BACE2: variants seen among roughly 807,000 people sequenced by gnomAD.
BACE2 encodes beta-secretase 2, also known as 56 kDa aspartic-like protease.
Under a neutral mutation model 46.2 loss-of-function variants are expected in BACE2, and 17 were observed. That is an observed-to-expected ratio of 0.37 (90% CI 0.25 to 0.55). The LOEUF (loss-of-function observed/expected upper bound fraction) is 0.55, where lower values mean the gene tolerates loss of function less well. Ranked by LOEUF, BACE2 falls within the 20% of genes least tolerant of loss-of-function variation. BACE2 has a pLI of 0.82. For synonymous variants in BACE2, 277 were observed against 295.9 expected, an observed-to-expected ratio of 0.94 and a Z score of 0.66; for missense variants, 595 against 698.1, an observed-to-expected ratio of 0.85 and a Z score of 1.66.
chr21:41,230,534 C>G (rs879278361), intron 2 of BACE2, among the ~76,000 whole-genome samples: 1 of 152,198 alleles, frequency 6.6e-6, no homozygotes, highest in South Asian at 2.1e-4. Context: ...AGCTGCAGCT[C>G]TCTGCCCTGT....
At chr21:41,172,936 C>T (rs1568853362) in intron 1 of BACE2, among the ~76,000 whole-genome samples, 5 of 152,200 alleles carry the variant, frequency 3.3e-5, no homozygotes, top group Admixed American at 3.3e-4. Flanking sequence ...TGTCTGATGG[C>T]TGCTGGCATT....
intron 8 of BACE2, among the ~76,000 whole-genome samples, chr21:41,261,836 C>A (rs1199443993): frequency 2.0e-5 from 3 of 151,950 alleles, no homozygotes; most frequent in Non-Finnish European, 2.9e-5. Flanking sequence ...ACAGAAAAGA[C>A]TAAAAATAAT....
intron 7 of BACE2, among the ~76,000 whole-genome samples, chr21:41,256,237 C>T (rs1987784489): frequency 6.6e-6 from 1 of 152,144 alleles, no homozygotes; most frequent in Non-Finnish European, 1.5e-5. Context: ...TTATCCCTCC[C>T]CTAGCCCTCT....
chr21:41,216,673 T>G (rs2123556568), intron 1 of BACE2, among the ~76,000 whole-genome samples: 1 of 152,264 alleles, frequency 6.6e-6, no homozygotes, highest in East Asian at 1.9e-4. Flanking sequence ...GGGTGAAGCG[T>G]CTCTGGAGAG....
At chr21:41,234,221 C>T (rs1281319232) in intron 2 of BACE2, among the ~76,000 whole-genome samples, 3 of 152,156 alleles carry the variant, frequency 2.0e-5, no homozygotes, top group Non-Finnish European at 4.4e-5. Flanking sequence ...CCATGTAAGA[C>T]ATGCCTTTCA....
intron 1 of BACE2, among the ~76,000 whole-genome samples, chr21:41,173,024 G>A (rs917789387): frequency 6.6e-6 from 1 of 152,114 alleles, no homozygotes; most frequent in African/African-American, 2.4e-5. Flanking sequence ...CTTCTTATAA[G>A]GAGACCAGTC....
At chr21:41,169,755 G>A (rs1046464364) in intron 1 of BACE2, among the ~76,000 whole-genome samples, 2 of 150,812 alleles carry the variant, frequency 1.3e-5, no homozygotes, top group African/African-American at 2.4e-5. Flanking sequence ...AGTTTAGGGG[G>A]AAAAAAAAAC....
intron 1 of BACE2, among the ~76,000 whole-genome samples, chr21:41,215,675 ACAGGG>A (rs1986442991): frequency 6.6e-6 from 1 of 152,186 alleles, no homozygotes; most frequent in South Asian, 2.1e-4. Context: ...GAAGCAGGGA[ACAGGG>A]GCGGGGACGT....
intron 3 of BACE2, among the ~76,000 whole-genome samples, chr21:41,240,032 A>G (rs1987243945): frequency 6.6e-6 from 1 of 152,250 alleles, no homozygotes; most frequent in Non-Finnish European, 1.5e-5. Context: ...GCGACATTTT[A>G]TCTTTTCATT....
At chr21:41,233,976 T>C (rs930077330) in intron 2 of BACE2, among the ~76,000 whole-genome samples, 1 of 152,060 alleles carries the variant, frequency 6.6e-6, no homozygotes, top group African/African-American at 2.4e-5. Flanking sequence ...CAACAAACGA[T>C]TACTCTACCA....
chr21:41,171,189 G>A (rs994164115), intron 1 of BACE2, among the ~76,000 whole-genome samples: 1 of 152,186 alleles, frequency 6.6e-6, no homozygotes, highest in Non-Finnish European at 1.5e-5. Flanking sequence ...ACTGCAACTG[G>A]ACCCTCCGGA....
intron 8 of BACE2, among the ~76,000 whole-genome samples, chr21:41,262,841 T>A (rs1029278129): frequency 6.6e-6 from 1 of 152,144 alleles, no homozygotes; most frequent in African/African-American, 2.4e-5. Flanking sequence ...TATTATATAT[T>A]AATCTTCTAT....
At chr21:41,253,106 T>C (rs1260581463) in intron 7 of BACE2, among the ~76,000 whole-genome samples, 1 of 152,178 alleles carries the variant, frequency 6.6e-6, no homozygotes, top group African/African-American at 2.4e-5. Flanking sequence ...CTGAATGATA[T>C]TACAATGCTA....
At chr21:41,260,906 A>T (rs1383616430) in intron 8 of BACE2, among the ~76,000 whole-genome samples, 3 of 151,954 alleles carry the variant, frequency 2.0e-5, no homozygotes, top group Non-Finnish European at 4.4e-5. Context: ...TTTTATTTTT[A>T]AATTTATAGG....
intron 2 of BACE2, among the ~76,000 whole-genome samples, chr21:41,236,223 A>G (rs886421216): frequency 1.3e-5 from 2 of 152,196 alleles, no homozygotes; most frequent in South Asian, 2.1e-4. Flanking sequence ...CCCCAGGGCC[A>G]TGACACCTGC....
intron 1 of BACE2, chr21:41,177,270 A>G (rs1984889925): frequency 6.6e-6 from 1 of 152,274 alleles, no homozygotes; most frequent in Non-Finnish European, 1.5e-5. Flanking sequence ...CACAACTCAC[A>G]TCTCTAAAGG....
At chr21:41,271,179 T>C (rs1438065557) in intron 8 of BACE2, among the ~76,000 whole-genome samples, 2 of 150,372 alleles carry the variant, frequency 1.3e-5, no homozygotes. Context: ...TTTAACATTT[T>C]GAGTCTTAAC....
chr21:41,217,650 C>G (rs561536317), intron 1 of BACE2, among the ~76,000 whole-genome samples: 13 of 152,338 alleles, frequency 8.5e-5, no homozygotes, highest in African/African-American at 2.6e-4. Context: ...TTGGAGCCCC[C>G]TCCCAGTGAT....
chr21:41,236,643 T>G (rs187198721), intron 2 of BACE2: 3 of 152,378 alleles, frequency 2.0e-5, no homozygotes, highest in African/African-American at 7.2e-5. Context: ...ACCTGTGACA[T>G]GAAGGACCTG....
Sources: allele counts gnomAD v4.1 joint callset (sites outside exome capture counted in the v4.1 genomes callset), GRCh38; gene constraint gnomAD v4.1.1; transcripts MANE v1.5; gene names NCBI Gene and HGNC (gene_info 2026-07-23, HGNC 2026-07-21).